ATP6V1D: variants seen among roughly 807,000 people sequenced by gnomAD.
ATP6V1D encodes the protein ATPase H+ transporting V1 subunit D.
ATP6V1D carries 20 observed loss-of-function variants against 39.4 expected under a neutral mutation model. The ratio of observed to expected loss-of-function variants is 0.51; its 90% CI spans 0.36 to 0.74. The LOEUF is 0.74. ATP6V1D is among the 30% of genes least tolerant of loss of function. The probability of loss-of-function intolerance (pLI) is 0.00; values close to 1 mark genes in which losing one functional copy is unlikely to be tolerated. For synonymous variants in ATP6V1D, 100 were observed against 100.5 expected (o/e 0.99, Z 0.03); for missense variants, 228 against 291.6 (o/e 0.78, Z 1.59).
At chr14:67,350,204 A>G (rs1399340347) in intron 3 of ATP6V1D, among the ~76,000 whole-genome samples, 4 of 152,226 alleles carry the variant, frequency 2.6e-5, no homozygotes, top group Non-Finnish European at 1.5e-5. Flanking sequence ...CTACGGGAAT[A>G]ATTCAGTAGA....
chr14:67,343,259 G>T (rs2085598596), intron 7 of ATP6V1D, 113 bp downstream of exon 7: 2 of 751,268 alleles, frequency 2.7e-6, no homozygotes, highest in Non-Finnish European at 4.3e-6. Context: ...GTGGGCAAGG[G>T]AAGCATCTTA....
chr14:67,355,505 T>C (rs1438218184), intron 1 of ATP6V1D, among the ~76,000 whole-genome samples: 2 of 114,148 alleles, frequency 1.8e-5, no homozygotes, highest in East Asian at 5.4e-4. Context: ...TGTCATACCA[T>C]GCAGTAGTAC....
chr14:67,345,385 T>C (rs2085613118), intron 6 of ATP6V1D, among the ~76,000 whole-genome samples: 1 of 152,042 alleles, frequency 6.6e-6, no homozygotes, highest in Non-Finnish European at 1.5e-5. Context: ...GGCAAAACCC[T>C]GTCTCTACAA....
chr14:67,357,334 T>G (rs953015541), intron 1 of ATP6V1D, among the ~76,000 whole-genome samples: 1 of 152,236 alleles, frequency 6.6e-6, no homozygotes, highest in Non-Finnish European at 1.5e-5. Flanking sequence ...AAGTTTGACC[T>G]TTAGCTAGGA....
rs760324452 is a variant in ATP6V1D at position 67,338,570 on chromosome 14, A to C, written c.*51T>G. On this transcript the variant is annotated 3_prime_UTR_variant, in exon 9 of 9. Coordinates refer to ENST00000216442, the MANE Select transcript of ATP6V1D (RefSeq NM_015994.4). Reference sequence around the variant, plus strand: ...CACAAATCAAACCTACACACTGTGAATTAAAATGAAGCCAGTGTTAGGGTT... The same window carrying C: ...CACAAATCAAACCTACACACTGTGACTTAAAATGAAGCCAGTGTTAGGGTT... 2 of 1,578,528 alleles carry C rather than the reference A, an allele frequency of 1.3e-6. No homozygotes were observed. Among genetic ancestry groups the C allele is most frequent in the South Asian group, 2.3e-5 (2 of 85,534 alleles).
chr14:67,355,100 C>T (rs1240177440), intron 1 of ATP6V1D, among the ~76,000 whole-genome samples: 2 of 152,172 alleles, frequency 1.3e-5, no homozygotes, highest in Admixed American at 6.5e-5. Context: ...GCATGAGCCA[C>T]CGCACCTGGC....
intron 7 of ATP6V1D, among the ~76,000 whole-genome samples, chr14:67,341,193 G>A (rs180964172): frequency 2.5e-4 from 38 of 152,182 alleles, no homozygotes; most frequent in African/African-American, 7.9e-4. Flanking sequence ...AGTGAGGAGC[G>A]TCTGTGACTG....
chr14:67,356,763 G>A (rs1353758222), intron 1 of ATP6V1D, among the ~76,000 whole-genome samples: 1 of 152,158 alleles, frequency 6.6e-6, no homozygotes, highest in Non-Finnish European at 1.5e-5. Flanking sequence ...GGCTGACTCT[G>A]CACTGACTGG....
intron 1 of ATP6V1D, among the ~76,000 whole-genome samples, chr14:67,355,449 C>CAAATAAAA (rs2085679039): frequency 5.3e-5 from 1 of 18,944 alleles, no homozygotes; most frequent in Non-Finnish European, 1.1e-4. Context: ...GACCCTGTCT[C>CAAATAAAA]AAAAAAAAAA....
intron 3 of ATP6V1D, among the ~76,000 whole-genome samples, chr14:67,349,405 G>C (rs185388739): frequency 3.3e-4 from 50 of 152,304 alleles, no homozygotes; most frequent in East Asian, 1.7e-3. Flanking sequence ...ATAACTTTAA[G>C]GATTCTTCTG....
At chr14:67,352,712 A>G (rs2085663544) in intron 2 of ATP6V1D, 1 of 456,246 alleles carries the variant, frequency 2.2e-6, no homozygotes, top group African/African-American at 2.0e-5. Flanking sequence ...CGGGGGGCCA[A>G]TCAGATCAAG....
At position 67,338,539 on chromosome 14, in the gene ATP6V1D, T is replaced by C. The variant is rs1012214719; in HGVS notation, c.*82A>G. 7.9e-6 allele frequency: 11 copies of C among 1,389,820 alleles called. No individual in the cohort carries two copies. Among genetic ancestry groups the C allele is most frequent in the Non-Finnish European group, 3.8e-6 (4 of 1,046,396 alleles). 86.1% of individuals were successfully genotyped at this position (1,389,820 alleles called of 1,614,324 possible). ...TGAAATTCTTAGGCCAAAAAATAAATAGCCACACAAATCAAACCTACACAC... is the reference window on the plus strand; with the variant it reads ...TGAAATTCTTAGGCCAAAAAATAAACAGCCACACAAATCAAACCTACACAC... On this transcript the variant is annotated 3_prime_UTR_variant, in exon 9 of 9. Transcript: ENST00000216442.
rs866817285 is a variant in ATP6V1D, at chr14:67,340,510, G to A, written c.532C>T (p.Pro178Ser). The stretch of plus-strand genomic sequence containing the variant: ...TAAGCAAGAGTACGTTCAATCCGGG[G>A]AATGATGACTAGAATAAAAAAAAAA... ...RVNAIEHVII[P>S]RIERTLAYII... The change falls in exon 8 of 9, where the codon CCC (proline) becomes TCC (serine). Residue 178 changes from proline (P) to serine (S), a missense_variant. Coordinates refer to ENST00000216442, the MANE Select transcript of ATP6V1D (RefSeq NM_015994.4). 3 of 1,597,326 alleles carry A rather than the reference G, an allele frequency of 1.9e-6. No individual in the cohort carries two copies.
intron 1 of ATP6V1D, among the ~76,000 whole-genome samples, chr14:67,358,157 T>TA (rs1349659372): frequency 6.6e-6 from 1 of 152,058 alleles, no homozygotes; most frequent in Non-Finnish European, 1.5e-5. Flanking sequence ...TGCTAGAAGA[T>TA]AAACTAGTGT....
intron 4 of ATP6V1D, 82 bp from the exon 5 acceptor site, chr14:67,347,535 CT>C: frequency 8.1e-7 from 1 of 1,234,724 alleles, no homozygotes; most frequent in Non-Finnish European, 1.1e-6. Flanking sequence ...GAGTTTTGCT[CT>C]TGTCGCCGAG....
In ATP6V1D at chr14:67,338,647, T is replaced by A. The variant is rs745829564; in HGVS notation, c.718A>T (p.Lys240Ter). ...LEPANLLAEEKDEDLLFE is the reference protein window; with the variant it reads ...LEPANLLAEE ...TATTCAAATAGAAGATCCTCGTCCT[T>A]CTCTTCAGCCAGAAGATTAGCAGGC... is the stretch of plus-strand genomic sequence containing the variant. The change falls in exon 9 of 9, where the codon AAG becomes TAG. Residue 240 changes from lysine to a stop codon, truncating the protein, a stop_gained. Coordinates refer to ENST00000216442, the MANE Select transcript of ATP6V1D (RefSeq NM_015994.4). LOFTEE classifies it high-confidence loss of function. 1 of 1,614,062 alleles carries A rather than the reference T, an allele frequency of 6.2e-7. No individual in the cohort carries two copies. The highest frequency in any genetic ancestry group is 8.5e-7 in the Non-Finnish European group (1 of 1,179,966).
intron 1 of ATP6V1D, among the ~76,000 whole-genome samples, chr14:67,354,987 AT>A (rs2085676271): frequency 1.3e-5 from 2 of 151,768 alleles, no homozygotes; most frequent in African/African-American, 4.8e-5. Context: ...CTAATTTTTT[AT>A]TTTTAGTAGA....
At chr14:67,354,170 T>C (rs1221718040) in intron 1 of ATP6V1D, among the ~76,000 whole-genome samples, 1 of 152,210 alleles carries the variant, frequency 6.6e-6, no homozygotes, top group Non-Finnish European at 1.5e-5. Context: ...TTTCCAATAA[T>C]GTAGATTTCT....
intron 1 of ATP6V1D, 30 bp downstream of exon 1, chr14:67,359,628 G>T (rs2085714276): frequency 1.2e-6 from 2 of 1,613,618 alleles, no homozygotes; most frequent in African/African-American, 2.7e-5. Flanking sequence ...CTAAACCTGT[G>T]AAAGCGGCTT....
Sources: gnomAD v4.1 joint callset for allele counts (sites outside exome capture counted in the v4.1 genomes callset) on GRCh38, gnomAD v4.1.1 for gene constraint, MANE v1.5 for transcripts, NCBI Gene and HGNC (gene_info 2026-07-23, HGNC 2026-07-21) for gene names.